The following PLOD2 variants were observed in gnomAD, a reference collection of about 807,000 sequenced individuals.
PLOD2 encodes the protein lysine hydroxylase 2.
A neutral mutation model predicts 101.0 loss-of-function variants in PLOD2; 65 were observed. The ratio of observed to expected loss-of-function variants is 0.64; its 90% CI spans 0.53 to 0.79. The LOEUF (loss-of-function observed/expected upper bound fraction) is 0.79, where lower values mean the gene tolerates loss of function less well. PLOD2 is among the 30% of genes least tolerant of loss of function. The pLI is 0.00. For synonymous variants in PLOD2, 314 were observed against 302.9 expected, an observed-to-expected ratio of 1.04 and a Z score of -0.38; for missense variants, 909 against 914.6, an observed-to-expected ratio of 0.99 and a Z score of 0.08.
rs1238952548 is a variant in PLOD2 at position 146,102,758 on chromosome 3, G to C, written c.774C>G (p.Thr258=). 1.3e-6 allele frequency: 2 copies of C among 1,501,016 alleles called. No individual in the cohort carries two copies. The highest frequency in any genetic ancestry group is 4.5e-5 in the East Asian group (2 of 44,250). The allele number at this position is 1,501,016 out of a possible 1,614,324, so 93.0% of individuals were successfully genotyped here. The change falls in exon 7 of 20, where the codon ACC becomes ACG. Residue 258 remains threonine (T), a synonymous_variant. Transcript: ENST00000282903. Reference sequence around the variant, plus strand: ...AATAAAAGTAACTGTTACTTACCTTGGTGGGTCCATTTCCATTAATTGCCA... The same window carrying C: ...AATAAAAGTAACTGTTACTTACCTTCGTGGGTCCATTTCCATTAATTGCCA... The part of the protein sequence containing the change: ...LPVAINGNGP[T]KILLNYFGNY...
In PLOD2 at chr3:146,160,919, A is replaced by G; in HGVS notation, c.71T>C (p.Leu24Pro). Residue 24 changes from leucine (L) to proline (P), a missense_variant, in exon 1 of 20, where the codon CTG becomes CCG. Transcript: ENST00000282903. ...ALVLHPWNPC[L>P]GADSEKPSSI... ...CGAGGGCTTCTCCGAGTCCGCACCC[A>G]GACAGGGATTCCAGGGGTGGAGGAC... is the stretch of plus-strand genomic sequence containing the variant. 1 of 1,597,816 alleles carries G rather than the reference A, an allele frequency of 6.3e-7. No homozygotes were observed. The highest frequency in any genetic ancestry group is 8.5e-7 in the Non-Finnish European group (1 of 1,172,470).
At chr3:146,086,766 T>C (rs1213823536) in intron 10 of PLOD2, 21 bp downstream of exon 10, 5 of 1,372,468 alleles carry the variant, frequency 3.6e-6, no homozygotes, top group Non-Finnish European at 4.9e-6. Context: ...TTTAATTTAA[T>C]TTTAATTTAT....
chr3:146,083,569 G>GTCTTTT, intron 11 of PLOD2, among the ~76,000 whole-genome samples: 1 of 83,774 alleles, frequency 1.2e-5, no homozygotes, highest in Admixed American at 1.2e-4. Flanking sequence ...TGGCAGGTAA[G>GTCTTTT]TCTTTTTCTT....
chr3:146,101,190 G>C (rs1576594514), intron 7 of PLOD2, among the ~76,000 whole-genome samples: 1 of 152,136 alleles, frequency 6.6e-6, no homozygotes, highest in South Asian at 2.1e-4. Context: ...ACAGGAGTTA[G>C]AGGAAGGATT....
At position 146,085,164 on chromosome 3, in the gene PLOD2, A is replaced by T. The variant is rs372708761; in HGVS notation, c.1232+5T>A. On this transcript the variant is annotated splice_donor_5th_base_variant and intron_variant, in intron 11 of 19. Transcript: ENST00000282903. Reference sequence around the variant, plus strand: ...AATAAATTGATATCGAATTTTAGAAAGTACCTGTTTTGTTCAATCAAAATT... The same window carrying T: ...AATAAATTGATATCGAATTTTAGAATGTACCTGTTTTGTTCAATCAAAATT... The T allele has an allele frequency of 5.3e-5, 66 of 1,256,082 alleles. No homozygotes were observed. The African/African-American group carries it at 8.4e-4, about 16-fold the overall frequency. 77.8% of individuals were successfully genotyped at this position (1,256,082 alleles called of 1,614,324 possible). A position where few individuals can be genotyped will look rare whatever the true frequency, so the allele number is the denominator to read the frequency against.
chr3:146,135,210 T>C (rs2031163435), intron 1 of PLOD2, among the ~76,000 whole-genome samples: 1 of 152,186 alleles, frequency 6.6e-6, no homozygotes, highest in Admixed American at 6.5e-5. Context: ...TAGCATCAGT[T>C]TTGGCAGCTC....
At chr3:146,116,844 T>C (rs1275827509) in intron 3 of PLOD2, among the ~76,000 whole-genome samples, 1 of 152,114 alleles carries the variant, frequency 6.6e-6, no homozygotes, top group Non-Finnish European at 1.5e-5. Flanking sequence ...TTTTTTTATC[T>C]AAATTAAATA....
chr3:146,118,868 A>G (rs527946967), intron 3 of PLOD2, among the ~76,000 whole-genome samples: 1 of 152,272 alleles, frequency 6.6e-6, no homozygotes, highest in Admixed American at 6.5e-5. Flanking sequence ...CCGTCTCAAT[A>G]GTAAAGCTCA....
At chr3:146,112,920 C>A (rs895200969) in intron 3 of PLOD2, among the ~76,000 whole-genome samples, 4 of 150,482 alleles carry the variant, frequency 2.7e-5, no homozygotes, top group Non-Finnish European at 4.4e-5. Flanking sequence ...CACATGTATA[C>A]CTATGTAACA....
intron 1 of PLOD2, among the ~76,000 whole-genome samples, chr3:146,152,083 T>C (rs1406688966): frequency 1.3e-5 from 2 of 152,156 alleles, no homozygotes; most frequent in African/African-American, 4.8e-5. Context: ...AAATCAAGAA[T>C]TAAAGCAATA....
intron 5 of PLOD2, among the ~76,000 whole-genome samples, chr3:146,106,072 A>G (rs1214797109): frequency 1.3e-5 from 2 of 152,176 alleles, no homozygotes; most frequent in African/African-American, 4.8e-5. Context: ...GGATTTCATT[A>G]TTGTCTCTTT....
intron 9 of PLOD2, 47 bp downstream of exon 9, chr3:146,088,539 G>T: frequency 7.5e-7 from 1 of 1,332,988 alleles, no homozygotes; most frequent in South Asian, 1.2e-5. Flanking sequence ...TTCCAAAAAA[G>T]ACCAAAAATA....
At chr3:146,088,233 C>G (rs1328445207) in intron 9 of PLOD2, among the ~76,000 whole-genome samples, 1 of 151,566 alleles carries the variant, frequency 6.6e-6, no homozygotes, top group Non-Finnish European at 1.5e-5. Context: ...AAATCACAAA[C>G]AATTTAATGA....
At chr3:146,075,568 A>T (rs952134442) in intron 15 of PLOD2, among the ~76,000 whole-genome samples, 5 of 151,432 alleles carry the variant, frequency 3.3e-5, no homozygotes, top group Non-Finnish European at 7.4e-5. Context: ...CATATGCTGA[A>T]TCAATCAGCT....
chr3:146,140,606 AAAG>A (rs2031476165), intron 1 of PLOD2, among the ~76,000 whole-genome samples: 1 of 152,058 alleles, frequency 6.6e-6, no homozygotes. Flanking sequence ...ACGCTTTAAT[AAAG>A]AATAGGATCA....
intron 7 of PLOD2, 31 bp from the exon 8 acceptor site, chr3:146,091,932 A>C: frequency 8.8e-7 from 1 of 1,131,652 alleles, no homozygotes; most frequent in Non-Finnish European, 1.4e-6. Flanking sequence ...TTATTAATGA[A>C]AGCAGGCCTC....
intron 1 of PLOD2, among the ~76,000 whole-genome samples, chr3:146,145,792 C>T (rs1407211018): frequency 9.8e-6 from 1 of 101,628 alleles, no homozygotes; most frequent in Non-Finnish European, 2.0e-5. Flanking sequence ...AATCCAGAAG[C>T]TGTGAGTAAG....
chr3:146,141,671 T>C (rs191861871), intron 1 of PLOD2, among the ~76,000 whole-genome samples: 5 of 152,192 alleles, frequency 3.3e-5, no homozygotes, highest in African/African-American at 1.2e-4. Context: ...CAAATCCTAG[T>C]TGATACACAG....
chr3:146,129,988 G>A (rs2030812570), intron 1 of PLOD2, among the ~76,000 whole-genome samples: 1 of 152,104 alleles, frequency 6.6e-6, no homozygotes, highest in South Asian at 2.1e-4. Flanking sequence ...TTAGATATCT[G>A]ACCATGTCAC....
Sources: allele counts gnomAD v4.1 joint callset (sites outside exome capture counted in the v4.1 genomes callset), GRCh38; gene constraint gnomAD v4.1.1; transcripts MANE v1.5; gene names NCBI Gene and HGNC (gene_info 2026-07-23, HGNC 2026-07-21).